Variants in CTNNBL1 observed in about 807,000 individuals in gnomAD.
The protein encoded by CTNNBL1 is catenin beta like 1, also known as beta-catenin-like protein 1.
Under a neutral mutation model 72.7 loss-of-function variants are expected in CTNNBL1, and 31 were observed. The observed-to-expected ratio is 0.43, with a 90% CI of 0.32 to 0.58. The LOEUF is 0.58. Among genes scored for constraint, CTNNBL1 ranks in the 20% least tolerant of loss-of-function variants. The pLI, the probability that CTNNBL1 is intolerant of heterozygous loss-of-function variation, is 0.08. For missense variants in CTNNBL1, 534 were observed against 725.1 expected (o/e 0.74, Z 3.03); for synonymous variants, 240 against 267.3 (o/e 0.90, Z 1.00).
At chr20:37,704,128 C>G (rs1600431648) in intron 1 of CTNNBL1, among the ~76,000 whole-genome samples, 1 of 152,188 alleles carries the variant, frequency 6.6e-6, no homozygotes, top group African/African-American at 2.4e-5. Context: ...GAGCCTGCCT[C>G]TCTCTCAGAG....
chr20:37,821,612 A>T (rs2072108037), intron 11 of CTNNBL1, among the ~76,000 whole-genome samples: 1 of 152,222 alleles, frequency 6.6e-6, no homozygotes, highest in Non-Finnish European at 1.5e-5. Flanking sequence ...TATAAAATCA[A>T]TGACTGATAT....
chr20:37,832,681 A>C (rs973571479), intron 11 of CTNNBL1, among the ~76,000 whole-genome samples: 1 of 152,316 alleles, frequency 6.6e-6, no homozygotes, highest in East Asian at 1.9e-4. Context: ...CTTTTTCAGC[A>C]ATGGAACCAT....
intron 1 of CTNNBL1, among the ~76,000 whole-genome samples, chr20:37,725,625 G>T (rs1356909688): frequency 4.0e-5 from 6 of 150,602 alleles, no homozygotes; most frequent in Non-Finnish European, 7.4e-5. Context: ...AATCAAGTAT[G>T]TCAGGAGAAA....
At chr20:37,699,416 A>G (rs536565081) in intron 1 of CTNNBL1, among the ~76,000 whole-genome samples, 1 of 152,354 alleles carries the variant, frequency 6.6e-6, no homozygotes, top group African/African-American at 2.4e-5. Context: ...TGCCTGTATT[A>G]TAGGAAAGGA....
chr20:37,838,580 G>T (rs6067812), intron 11 of CTNNBL1, among the ~76,000 whole-genome samples: 124,510 of 152,138 alleles, frequency 0.82, 51,004 homozygotes, highest in Middle Eastern at 0.89. Flanking sequence ...AGGAGCTTGT[G>T]TTTGGACGTT....
intron 13 of CTNNBL1, among the ~76,000 whole-genome samples, chr20:37,843,440 G>T (rs1157873754): frequency 6.6e-6 from 1 of 152,220 alleles, no homozygotes; most frequent in Non-Finnish European, 1.5e-5. Flanking sequence ...TTCCCTCGGG[G>T]CATGCCTCAG....
intron 11 of CTNNBL1, among the ~76,000 whole-genome samples, chr20:37,837,961 G>A (rs576418942): frequency 3.3e-5 from 5 of 152,282 alleles, no homozygotes; most frequent in African/African-American, 7.2e-5. Context: ...AACACATGAC[G>A]AAGAGAAAAA....
chr20:37,767,141 G>A (rs1424332923), intron 6 of CTNNBL1, among the ~76,000 whole-genome samples: 1 of 152,074 alleles, frequency 6.6e-6, no homozygotes, highest in Non-Finnish European at 1.5e-5. Flanking sequence ...TCTGGGTATT[G>A]TGTTTAGGGA....
rs141627190 is a variant in CTNNBL1, at chr20:37,725,709, C to T, written c.31-7170C>T. Among the ~76,000 whole-genome samples, 424 of 151,478 alleles carry T rather than the reference C, an allele frequency of 2.8e-3. 4 individuals are homozygous for T. The highest frequency in any genetic ancestry group is 0.017 in the East Asian group (84 of 5,072). ...TAGGAACACAAGCCTTTAGGCTGGG[C>T]GCAGTGGCTCATGCCTGTAATTTCA... On this transcript the variant is annotated intron_variant, in intron 1 of 15. Transcript: ENST00000361383.
intron 15 of CTNNBL1, among the ~76,000 whole-genome samples, chr20:37,868,819 C>T (rs1023567953): frequency 3.3e-5 from 5 of 152,190 alleles, no homozygotes; most frequent in Non-Finnish European, 7.3e-5. Context: ...CCCACAGCAT[C>T]GGACTGTTTC....
intron 11 of CTNNBL1, among the ~76,000 whole-genome samples, chr20:37,813,325 G>A (rs899404767): frequency 1.3e-5 from 2 of 152,186 alleles, no homozygotes; most frequent in Admixed American, 6.5e-5. Context: ...TGTTGAGGAC[G>A]GTACTGGTGC....
chr20:37,730,029 G>A (rs977351500), intron 1 of CTNNBL1, among the ~76,000 whole-genome samples: 1 of 152,114 alleles, frequency 6.6e-6, no homozygotes, highest in African/African-American at 2.4e-5. Context: ...CTAAATTGTC[G>A]AGTGTGAGTT....
At chr20:37,867,812 G>A (rs933185592) in intron 15 of CTNNBL1, among the ~76,000 whole-genome samples, 2 of 152,192 alleles carry the variant, frequency 1.3e-5, no homozygotes, top group Non-Finnish European at 2.9e-5. Flanking sequence ...ATAACCAGAG[G>A]TAGCTGGCAC....
At chr20:37,849,327 C>T (rs963739343) in intron 13 of CTNNBL1, among the ~76,000 whole-genome samples, 2 of 152,338 alleles carry the variant, frequency 1.3e-5, no homozygotes, top group African/African-American at 2.4e-5. Flanking sequence ...GCATCGCCCT[C>T]GGGATGCAGT....
chr20:37,730,050 T>G (rs1382601891), intron 1 of CTNNBL1, among the ~76,000 whole-genome samples: 1 of 152,148 alleles, frequency 6.6e-6, no homozygotes, highest in Non-Finnish European at 1.5e-5. Context: ...TTCTAAACAA[T>G]GTCATATGCT....
chr20:37,713,997 C>T (rs2072963129), intron 1 of CTNNBL1, among the ~76,000 whole-genome samples: 2 of 152,048 alleles, frequency 1.3e-5, no homozygotes, highest in Non-Finnish European at 2.9e-5. Context: ...GGTTTGGTAA[C>T]TTGCCCAAAG....
At chr20:37,759,113 A>G (rs1480876669) in intron 5 of CTNNBL1, among the ~76,000 whole-genome samples, 2 of 152,158 alleles carry the variant, frequency 1.3e-5, no homozygotes, top group African/African-American at 4.8e-5. Flanking sequence ...TTCTATGGCC[A>G]TTTTTCTTTC....
intron 13 of CTNNBL1, among the ~76,000 whole-genome samples, chr20:37,853,475 T>G (rs137927501): frequency 5.8e-4 from 88 of 152,238 alleles, no homozygotes; most frequent in African/African-American, 2.0e-3. Flanking sequence ...CAACAGCCAT[T>G]TTGGAGTTTC....
intron 11 of CTNNBL1, among the ~76,000 whole-genome samples, chr20:37,823,604 G>T (rs1229210917): frequency 6.6e-6 from 1 of 152,136 alleles, no homozygotes; most frequent in Non-Finnish European, 1.5e-5. Context: ...GCAGTGAAGA[G>T]GTAGGTTTAG....
Sources: gnomAD v4.1 joint callset for allele counts (sites outside exome capture counted in the v4.1 genomes callset) on GRCh38, gnomAD v4.1.1 for gene constraint, MANE v1.5 for transcripts, NCBI Gene and HGNC (gene_info 2026-07-23, HGNC 2026-07-21) for gene names.